The following FAM171A1 variants were observed in gnomAD, a reference collection of about 807,000 sequenced individuals.
FAM171A1 encodes protein FAM171A1.
Under a neutral mutation model 74.9 loss-of-function variants are expected in FAM171A1, and 23 were observed. That is an observed-to-expected ratio of 0.31 (90% CI 0.22 to 0.44). FAM171A1 has a LOEUF of 0.44. Among genes scored for constraint, FAM171A1 ranks in the 20% least tolerant of loss-of-function variants. The probability of loss-of-function intolerance (pLI) is 1.00; values close to 1 mark genes in which losing one functional copy is unlikely to be tolerated. For missense variants in FAM171A1, 1,162 were observed against 1,159.2 expected, an observed-to-expected ratio of 1.00 and a Z score of -0.03; for synonymous variants, 527 against 505.7, an observed-to-expected ratio of 1.04 and a Z score of -0.57.
chr10:15,346,853 G>A (rs568746715), intron 1 of FAM171A1, among the ~76,000 whole-genome samples: 2 of 152,276 alleles, frequency 1.3e-5, no homozygotes, highest in Non-Finnish European at 1.5e-5. Context: ...AGAATCTCCA[G>A]GGAGGTAAAT....
At chr10:15,373,439 CA>C (rs1836172282), upstream of FAM171A1, among the ~76,000 whole-genome samples, 1 of 152,206 alleles carries the variant, frequency 6.6e-6, no homozygotes. Flanking sequence ...GCCCACAATA[CA>C]AAGATCTGAT....
At chr10:15,312,994 C>T (rs1482293645) in intron 1 of FAM171A1, among the ~76,000 whole-genome samples, 2 of 152,088 alleles carry the variant, frequency 1.3e-5, no homozygotes. Flanking sequence ...CGTGCCCGGC[C>T]TTGCACTTTT....
At chr10:15,256,005 T>G (rs1372598814) in intron 3 of FAM171A1, among the ~76,000 whole-genome samples, 2 of 152,014 alleles carry the variant, frequency 1.3e-5, no homozygotes, top group Admixed American at 1.3e-4. Flanking sequence ...TGCGGTGATA[T>G]TCACCAGACG....
At chr10:15,285,294 G>C (rs761938914) in intron 1 of FAM171A1, among the ~76,000 whole-genome samples, 16 of 152,204 alleles carry the variant, frequency 1.1e-4, no homozygotes, top group Non-Finnish European at 1.8e-4. Context: ...GGAGGCTGGA[G>C]AGGCAAGTAA....
At chr10:15,283,790 G>A in intron 2 of FAM171A1, 88 bp downstream of exon 2, 1 of 1,317,686 alleles carries the variant, frequency 7.6e-7, no homozygotes, top group Non-Finnish European at 1.1e-6. Flanking sequence ...TCACTATGTT[G>A]CCCAAGCTGG....
intron 1 of FAM171A1, among the ~76,000 whole-genome samples, chr10:15,362,590 G>C (rs144429973): frequency 6.6e-6 from 1 of 152,226 alleles, no homozygotes. Context: ...CAGGAGTGGT[G>C]GCATGTGCCT....
At chr10:15,249,057 G>T (rs1195473424) in intron 4 of FAM171A1, among the ~76,000 whole-genome samples, 2 of 151,344 alleles carry the variant, frequency 1.3e-5, no homozygotes, top group Admixed American at 6.6e-5. Flanking sequence ...CATACACTCA[G>T]TATGGGCTGA....
At chr10:15,298,431 G>T (rs1835186538) in intron 1 of FAM171A1, among the ~76,000 whole-genome samples, 1 of 152,186 alleles carries the variant, frequency 6.6e-6, no homozygotes, top group African/African-American at 2.4e-5. Context: ...ACCACACCCG[G>T]CCATGAATCA....
At chr10:15,267,984 G>C (rs933437886) in intron 3 of FAM171A1, among the ~76,000 whole-genome samples, 3 of 152,220 alleles carry the variant, frequency 2.0e-5, no homozygotes, top group African/African-American at 7.2e-5. Flanking sequence ...TGTTGAAGGT[G>C]GCTGTGAAGG....
chr10:15,359,433 AC>A (rs1835968069), intron 1 of FAM171A1, among the ~76,000 whole-genome samples: 2 of 152,118 alleles, frequency 1.3e-5, no homozygotes, highest in Non-Finnish European at 2.9e-5. Flanking sequence ...CTGAGAGGAC[AC>A]CCTCAGCAGT....
chr10:15,295,797 C>T (rs1455892928), intron 1 of FAM171A1, among the ~76,000 whole-genome samples: 8 of 152,228 alleles, frequency 5.3e-5, no homozygotes, highest in Non-Finnish European at 1.0e-4. Flanking sequence ...ACTCCTGTGG[C>T]TGCCTGGGCC....
chr10:15,327,071 G>A (rs1430717573), intron 1 of FAM171A1, among the ~76,000 whole-genome samples: 1 of 152,148 alleles, frequency 6.6e-6, no homozygotes, highest in Non-Finnish European at 1.5e-5. Context: ...TGAGCTGTAA[G>A]TTTTAGATCA....
chr10:15,318,404 G>A (rs758557804), intron 1 of FAM171A1, among the ~76,000 whole-genome samples: 2 of 152,186 alleles, frequency 1.3e-5, no homozygotes, highest in African/African-American at 2.4e-5. Context: ...AAGGGGTCAC[G>A]AAGCTGGTTA....
chr10:15,281,942 T>C (rs536467781), intron 2 of FAM171A1, among the ~76,000 whole-genome samples: 135 of 152,330 alleles, frequency 8.9e-4, no homozygotes, highest in African/African-American at 3.2e-3. Context: ...ATGAATGTGA[T>C]CAAAGTGTAG....
Position 15,312,673 on chromosome 10 carries a change from G to GTTT in FAM171A1, c.98-28571_98-28569dup, listed in dbSNP as rs1169098742. ...TACTGGAATGAGTTCAGCACTGTGT[G>GTTT]TTTTTTTTTTTTTTTTTTTTTTTTT... On this transcript the variant is annotated intron_variant, in intron 1 of 7. Transcript: ENST00000378116. 3.7e-3 allele frequency among the ~76,000 whole-genome samples: 135 copies of GTTT among 36,384 alleles called. 14 individuals are homozygous for GTTT. Among genetic ancestry groups the GTTT allele is most frequent in the African/African-American group, 4.0e-3 (34 of 8,548 alleles). The allele number at this position is 36,384 out of a possible 152,430, so 23.9% of individuals were successfully genotyped here.
At chr10:15,250,488 G>A (rs930335718) in intron 4 of FAM171A1, among the ~76,000 whole-genome samples, 4 of 152,374 alleles carry the variant, frequency 2.6e-5, no homozygotes, top group South Asian at 2.1e-4. Context: ...CTGGCCAGGC[G>A]CAGTGGCGCA....
Position 15,213,813 on chromosome 10 carries a change from C to T in FAM171A1, c.1775G>A (p.Gly592Glu). 1.2e-6 allele frequency: 2 copies of T among 1,614,128 alleles called. No individual in the cohort carries two copies. Among genetic ancestry groups the T allele is most frequent in the Non-Finnish European group, 1.7e-6 (2 of 1,180,028 alleles). Reference sequence around the variant, plus strand: ...GGGCTGGCTGACATAGGAGTGGTCCCCGGGGAGTTTCATATAATGAGCCGG... The same window carrying T: ...GGGCTGGCTGACATAGGAGTGGTCCTCGGGGAGTTTCATATAATGAGCCGG... ...VIPAHYMKLP[G>E]DHSYVSQPLV... The change falls in exon 8 of 8, where the codon GGG becomes GAG. Residue 592 changes from glycine (G) to glutamate (E), a missense_variant. Physicochemically the swap from Gly to Glu is moderately conservative, Grantham distance 98. Coordinates refer to ENST00000378116, the MANE Select transcript of FAM171A1 (RefSeq NM_001010924.2). This position sits in a 1 kb window ranked among gnomAD's most constrained non-coding sequence, Gnocchi z 6.8.
At chr10:15,288,038 A>G (rs1835058975) in intron 1 of FAM171A1, among the ~76,000 whole-genome samples, 1 of 152,212 alleles carries the variant, frequency 6.6e-6, no homozygotes, top group African/African-American at 2.4e-5. Context: ...TTCCTGAGTT[A>G]CTTCACTTAG....
At chr10:15,338,162 A>T (rs532919886) in intron 1 of FAM171A1, among the ~76,000 whole-genome samples, 2 of 152,340 alleles carry the variant, frequency 1.3e-5, no homozygotes, top group East Asian at 3.9e-4. Context: ...CAAAGTTTTC[A>T]CCAGGATTTT....
Sources: allele counts gnomAD v4.1 joint callset (sites outside exome capture counted in the v4.1 genomes callset), GRCh38; gene constraint gnomAD v4.1.1; non-coding constraint Gnocchi (gnomAD v3.1); transcripts MANE v1.5; gene names NCBI Gene and HGNC (gene_info 2026-07-23, HGNC 2026-07-21).